Variants in PEBP4 observed in about 807,000 individuals in gnomAD.
PEBP4 encodes the protein phosphatidylethanolamine binding protein 4.
Under a neutral mutation model 23.9 loss-of-function variants are expected in PEBP4, and 22 were observed. That is an observed-to-expected ratio of 0.92 (90% CI 0.66 to 1.31). PEBP4 has a LOEUF of 1.31. Ranked by LOEUF, PEBP4 falls within the 40% of genes most tolerant of loss-of-function variation. The pLI is 0.00. For synonymous variants in PEBP4, 112 were observed against 99.3 expected (o/e 1.13, Z -0.76); for missense variants, 324 against 281.7 (o/e 1.15, Z -1.07).
chr8:22,713,698 A>T (rs1054070736), intron 6 of PEBP4, among the ~76,000 whole-genome samples, 162 bp from the exon 7 acceptor site: 3 of 152,174 alleles, frequency 2.0e-5, no homozygotes, highest in African/African-American at 4.8e-5. Context: ...CCTGTTGCAG[A>T]GGTAGCCCCC....
At position 22,915,457 on chromosome 8, in the gene PEBP4, G is replaced by T. The variant is rs141989933; in HGVS notation, c.258+4727C>A. On this transcript the variant is annotated intron_variant, in intron 3 of 6. Transcript: ENST00000256404. ...CCTGGCTCCCATCTGTCCCTTGCTG[G>T]GTCCCGGCTCACTGACACCCTGTGT... 1.3e-3 allele frequency among the ~76,000 whole-genome samples: 198 copies of T among 151,732 alleles called. 1 individual carries two copies. The highest frequency in any genetic ancestry group is 1.9e-3 in the Non-Finnish European group (129 of 67,910).
At position 22,831,483 on chromosome 8, in the gene PEBP4, A is replaced by C. The variant is rs1807082653; in HGVS notation, c.259-13748T>G. Among the ~76,000 whole-genome samples, 5 of 152,188 alleles carry C rather than the reference A, an allele frequency of 3.3e-5. 1 individual carries two copies. The South Asian group carries it at 1.0e-3, about 31-fold the overall frequency. ...ATTGGCCCAGGTAGTCCCATTGTTCATTCATTCAACAAGCATTGATTGAGC... is the reference window on the plus strand; with the variant it reads ...ATTGGCCCAGGTAGTCCCATTGTTCCTTCATTCAACAAGCATTGATTGAGC... On this transcript the variant is annotated intron_variant, in intron 3 of 6. Transcript: ENST00000256404.
intron 3 of PEBP4, among the ~76,000 whole-genome samples, chr8:22,875,425 G>C (rs891930973): frequency 1.3e-4 from 19 of 151,962 alleles, no homozygotes; most frequent in African/African-American, 4.6e-4. Context: ...CATCACCCAG[G>C]TATTAAACCC....
chr8:22,878,949 T>C (rs760672773), intron 3 of PEBP4, among the ~76,000 whole-genome samples: 5 of 152,190 alleles, frequency 3.3e-5, no homozygotes, highest in Non-Finnish European at 7.3e-5. Flanking sequence ...CTAAAAATTA[T>C]AGTTCTTGTT....
intron 2 of PEBP4, chr8:22,924,888 T>A (rs1338326966): frequency 1.0e-6 from 1 of 985,266 alleles, no homozygotes; most frequent in East Asian, 1.1e-4. Flanking sequence ...TAACAATGTC[T>A]CACAGCTTGT....
At chr8:22,883,339 C>T (rs1218006239) in intron 3 of PEBP4, among the ~76,000 whole-genome samples, 1 of 152,170 alleles carries the variant, frequency 6.6e-6, no homozygotes, top group African/African-American at 2.4e-5. Context: ...GTGTTTGCCA[C>T]ATCACCACTG....
intron 3 of PEBP4, among the ~76,000 whole-genome samples, chr8:22,836,294 A>T (rs1807203004): frequency 6.6e-6 from 1 of 152,256 alleles, no homozygotes; most frequent in Non-Finnish European, 1.5e-5. Context: ...TCTGGGATTC[A>T]AAATCATATC....
At chr8:22,770,216 A>G (rs1252012063) in intron 4 of PEBP4, among the ~76,000 whole-genome samples, 2 of 152,162 alleles carry the variant, frequency 1.3e-5, no homozygotes, top group Non-Finnish European at 2.9e-5. Flanking sequence ...AAGCTCTGGG[A>G]CTGGGTCAGT....
chr8:22,788,398 A>C (rs559625752), intron 4 of PEBP4, among the ~76,000 whole-genome samples: 1 of 152,184 alleles, frequency 6.6e-6, no homozygotes, highest in African/African-American at 2.4e-5. Context: ...CCGTGTGGCT[A>C]TGAGGGCCCA....
chr8:22,725,078 A>C, intron 5 of PEBP4, 122 bp from the exon 6 acceptor site: 1 of 662,102 alleles, frequency 1.5e-6, no homozygotes, highest in South Asian at 1.7e-5. Flanking sequence ...CGGCCCTGCA[A>C]AACATTAGGA....
At chr8:22,875,731 C>T (rs1360653076) in intron 3 of PEBP4, among the ~76,000 whole-genome samples, 2 of 152,026 alleles carry the variant, frequency 1.3e-5, no homozygotes, top group Non-Finnish European at 2.9e-5. Flanking sequence ...CCTACCCTTC[C>T]TGCCTGTCAC....
At chr8:22,877,376 G>A (rs1563246096) in intron 3 of PEBP4, among the ~76,000 whole-genome samples, 1 of 152,150 alleles carries the variant, frequency 6.6e-6, no homozygotes, top group Non-Finnish European at 1.5e-5. Context: ...CTCCTGGTTG[G>A]TTGGCAGGTC....
intron 4 of PEBP4, among the ~76,000 whole-genome samples, chr8:22,807,896 C>CATCA (rs1248009959): frequency 1.3e-5 from 2 of 150,178 alleles, no homozygotes; most frequent in Non-Finnish European, 3.0e-5. Context: ...TCCATCCATC[C>CATCA]ACCCACCCAA....
At chr8:22,852,074 G>C (rs1248013399) in intron 3 of PEBP4, among the ~76,000 whole-genome samples, 1 of 152,114 alleles carries the variant, frequency 6.6e-6, no homozygotes, top group Non-Finnish European at 1.5e-5. Context: ...CCATCCCTCT[G>C]GGGGAGTTAT....
intron 3 of PEBP4, among the ~76,000 whole-genome samples, chr8:22,836,255 C>A (rs1807202090): frequency 6.6e-6 from 1 of 152,184 alleles, no homozygotes; most frequent in Non-Finnish European, 1.5e-5. Context: ...GTGAAGCGAT[C>A]AACACATGAA....
intron 4 of PEBP4, among the ~76,000 whole-genome samples, chr8:22,733,925 G>A (rs1804795411): frequency 6.8e-6 from 1 of 147,080 alleles, no homozygotes; most frequent in South Asian, 2.1e-4. Context: ...TGGAGATAAG[G>A]GAGAGTAGAG....
chr8:22,809,663 G>C (rs1217173375), intron 4 of PEBP4, among the ~76,000 whole-genome samples: 1 of 152,198 alleles, frequency 6.6e-6, no homozygotes, highest in Non-Finnish European at 1.5e-5. Flanking sequence ...TGCATGAGGT[G>C]CTTATGTAAA....
At chr8:22,883,687 T>A (rs1157263137) in intron 3 of PEBP4, among the ~76,000 whole-genome samples, 1 of 152,168 alleles carries the variant, frequency 6.6e-6, no homozygotes, top group Non-Finnish European at 1.5e-5. Flanking sequence ...CACATTTGGT[T>A]TGGAATTATA....
chr8:22,772,789 T>G (rs759389230), intron 4 of PEBP4, among the ~76,000 whole-genome samples: 5 of 152,296 alleles, frequency 3.3e-5, no homozygotes, highest in Non-Finnish European at 5.9e-5. Context: ...AGACCTTTTC[T>G]TAGACAAATA....
Sources: allele counts gnomAD v4.1 joint callset (sites outside exome capture counted in the v4.1 genomes callset), GRCh38; gene constraint gnomAD v4.1.1; transcripts MANE v1.5; gene names NCBI Gene and HGNC (gene_info 2026-07-23, HGNC 2026-07-21).